SEM1: variants seen among roughly 807,000 people sequenced by gnomAD.
SEM1 encodes the protein 26S proteasome complex subunit SEM1.
In SEM1, 3 loss-of-function variants were observed where a neutral mutation model predicts 12.7. The ratio of observed to expected loss-of-function variants is 0.24; its 90% CI spans 0.11 to 0.61. The LOEUF is 0.61. Ranked by LOEUF, SEM1 falls within the 20% of genes least tolerant of loss-of-function variation. SEM1 has a pLI of 0.88. For missense variants in SEM1, 59 were observed against 81.3 expected, an observed-to-expected ratio of 0.73 and a Z score of 1.06; for synonymous variants, 30 against 27.8, an observed-to-expected ratio of 1.08 and a Z score of -0.25.
At chr7:96,483,693 G>C (rs765009362) in exon 4 of SEM1, 55 of 763,976 alleles carry the variant, frequency 7.2e-5, no homozygotes, top group Non-Finnish European at 1.2e-4. Context: ...TAATTCATCT[G>C]TCTGAACTTG....
chr7:96,583,718 A>C lies in SEM1; in HGVS notation c.171-77020T>G, dbSNP rs1806501000. On this transcript the variant is annotated intron_variant and NMD_transcript_variant, in intron 2 of 3. Transcript: ENST00000466986. ...TTCTTGTTGAATTGATCCCTTTACC[A>C]TTATGTAATGGCCTTCTTTGTCTTT... Among the ~76,000 whole-genome samples the C allele has an allele frequency of 2.7e-5, 4 of 150,768 alleles. 1 individual carries two copies. The South Asian group carries it at 8.7e-4, about 33-fold the overall frequency.
chr7:96,581,817 A>G (rs936525987), intron 2 of SEM1, among the ~76,000 whole-genome samples: 1 of 151,220 alleles, frequency 6.6e-6, no homozygotes, highest in Non-Finnish European at 1.5e-5. Context: ...TTGTACATTG[A>G]TTTTGTATCC....
intron 2 of SEM1, chr7:96,656,671 T>C (rs1388053394): frequency 6.6e-6 from 1 of 151,502 alleles, no homozygotes. Flanking sequence ...AACAAAATCA[T>C]CTACATTTAT....
chr7:96,511,119 T>C (rs893207866), intron 2 of SEM1, among the ~76,000 whole-genome samples: 1 of 152,096 alleles, frequency 6.6e-6, no homozygotes, highest in Non-Finnish European at 1.5e-5. Context: ...GAGAGTGTTA[T>C]ATGAGATGAG....
At chr7:96,526,801 A>T (rs1252029869) in intron 2 of SEM1, among the ~76,000 whole-genome samples, 1 of 151,984 alleles carries the variant, frequency 6.6e-6, no homozygotes. Flanking sequence ...GTGGGAGGTT[A>T]GGACAGTTTT....
At chr7:96,684,224 C>T (rs1009580789), downstream of SEM1, among the ~76,000 whole-genome samples, 2 of 152,002 alleles carry the variant, frequency 1.3e-5, no homozygotes, top group Non-Finnish European at 2.9e-5. Context: ...GAAAGGCTGG[C>T]TTTGTGTGCT....
chr7:96,687,720 A>G (rs1789804194), downstream of SEM1, among the ~76,000 whole-genome samples: 1 of 152,088 alleles, frequency 6.6e-6, no homozygotes, highest in South Asian at 2.1e-4. Flanking sequence ...CCAGCATGGC[A>G]CATGTATACA....
At chr7:96,622,322 C>T (rs980406022), downstream of SEM1, 7 of 418,156 alleles carry the variant, frequency 1.7e-5, no homozygotes, top group South Asian at 3.0e-4. Flanking sequence ...TTGAAGCTGG[C>T]CTTAAATCAA....
intron 2 of SEM1, among the ~76,000 whole-genome samples, chr7:96,680,077 C>T (rs1025729573): frequency 2.0e-5 from 3 of 151,998 alleles, no homozygotes; most frequent in African/African-American, 4.8e-5. Flanking sequence ...CAATGACTGA[C>T]GAGTTGATAA....
At chr7:96,609,705 A>AC (rs1213553766) in intron 2 of SEM1, among the ~76,000 whole-genome samples, 1 of 152,232 alleles carries the variant, frequency 6.6e-6, no homozygotes, top group Non-Finnish European at 1.5e-5. Context: ...GAGGCAGGGG[A>AC]CCCTTCTTGT....
At chr7:96,624,723 C>A (rs1314485796) in intron 2 of SEM1, among the ~76,000 whole-genome samples, 1 of 152,000 alleles carries the variant, frequency 6.6e-6, no homozygotes, top group Non-Finnish European at 1.5e-5. Context: ...AAAGGGGGCA[C>A]AGGGGATTCC....
intron 2 of SEM1, among the ~76,000 whole-genome samples, chr7:96,678,531 C>T (rs1789513853): frequency 6.6e-6 from 1 of 152,094 alleles, no homozygotes; most frequent in Non-Finnish European, 1.5e-5. Flanking sequence ...AAAAGAAAGG[C>T]AGCAGAATCA....
intron 2 of SEM1, among the ~76,000 whole-genome samples, chr7:96,582,701 G>A (rs1226064734): frequency 5.3e-5 from 8 of 152,268 alleles, no homozygotes; most frequent in Non-Finnish European, 1.2e-4. Flanking sequence ...TTAGTCTTGG[G>A]AGAGTGCATG....
At position 96,599,547 on chromosome 7, in the gene SEM1, C is replaced by T. The variant is rs565401742; in HGVS notation, c.171-92849G>A. On this transcript the variant is annotated intron_variant and NMD_transcript_variant, in intron 2 of 3. Coordinates refer to the SEM1 transcript ENST00000466986. Reference sequence around the variant, plus strand: ...TGTATTACGTCCCCACTTGCTTCAACACACAGCATGATAATGTCTCATCTT... The same window carrying T: ...TGTATTACGTCCCCACTTGCTTCAATACACAGCATGATAATGTCTCATCTT... 2.6e-5 allele frequency among the ~76,000 whole-genome samples: 4 copies of T among 152,320 alleles called. No individual in the cohort carries two copies. The South Asian group carries it at 8.3e-4, about 32-fold the overall frequency.
intron 1 of SEM1, among the ~76,000 whole-genome samples, chr7:96,701,131 C>T (rs1178803047): frequency 5.9e-5 from 9 of 151,916 alleles, no homozygotes; most frequent in African/African-American, 2.2e-4. Flanking sequence ...CTCCTAAGTA[C>T]ATTAGAGGGG....
chr7:96,492,105 T>C (rs979967329), intron 1 of SEM1, among the ~76,000 whole-genome samples: 8 of 152,164 alleles, frequency 5.3e-5, no homozygotes, highest in African/African-American at 1.9e-4. Flanking sequence ...ATTTTAGCCA[T>C]TGTTGAGTAT....
At chr7:96,709,655 C>G (rs774884234) in intron 1 of SEM1, 33 bp downstream of exon 1, 68 of 1,605,412 alleles carry the variant, frequency 4.2e-5, no homozygotes, top group Non-Finnish European at 5.6e-5. Context: ...AGTCACCGTT[C>G]GCGCGACACA....
intron 1 of SEM1, among the ~76,000 whole-genome samples, chr7:96,490,439 T>G (rs554738724): frequency 2.2e-4 from 34 of 152,280 alleles, no homozygotes; most frequent in African/African-American, 8.2e-4. Context: ...GAAACAATGT[T>G]TTTGAACTTC....
intron 2 of SEM1, among the ~76,000 whole-genome samples, chr7:96,570,978 G>C (rs1450137122): frequency 7.3e-6 from 1 of 136,294 alleles, no homozygotes; most frequent in Non-Finnish European, 1.6e-5. Context: ...TTTTTTTTTC[G>C]TATGTTTGTT....
Sources: gnomAD v4.1 joint callset for allele counts (sites outside exome capture counted in the v4.1 genomes callset) on GRCh38, gnomAD v4.1.1 for gene constraint, MANE v1.5 for transcripts, NCBI Gene and HGNC (gene_info 2026-07-23, HGNC 2026-07-21) for gene names.